The following FMN1 variants were observed in gnomAD, a reference collection of about 807,000 sequenced individuals.
FMN1 encodes formin-1.
A neutral mutation model predicts 132.4 loss-of-function variants in FMN1; 110 were observed. That is an observed-to-expected ratio of 0.83 (90% CI 0.71 to 0.97). The LOEUF is 0.97. FMN1 is among the 50% of genes least tolerant of loss of function. The probability of loss-of-function intolerance (pLI) is 0.00; values close to 1 mark genes in which losing one functional copy is unlikely to be tolerated. For missense variants in FMN1, 1,792 were observed against 1,705.3 expected (o/e 1.05, Z -0.90); for synonymous variants, 722 against 651.7 (o/e 1.11, Z -1.64).
intron 3 of FMN1, among the ~76,000 whole-genome samples, chr15:33,156,586 G>A (rs983406907): frequency 2.0e-5 from 3 of 151,698 alleles, no homozygotes; most frequent in Non-Finnish European, 2.9e-5. Context: ...CACTGCTCCC[G>A]GCCGTATTTT....
At chr15:33,003,664 G>T (rs1213426867) in intron 7 of FMN1, among the ~76,000 whole-genome samples, 1 of 152,120 alleles carries the variant, frequency 6.6e-6, no homozygotes, top group Non-Finnish European at 1.5e-5. Flanking sequence ...AGCTACCAAT[G>T]ACTTTCTTCA....
At chr15:33,081,805 G>A (rs990654250) in intron 5 of FMN1, among the ~76,000 whole-genome samples, 3 of 152,174 alleles carry the variant, frequency 2.0e-5, no homozygotes, top group Non-Finnish European at 4.4e-5. Flanking sequence ...GAAGTGATCG[G>A]TAAGACATGG....
Position 33,153,097 on chromosome 15 carries a change from GC to G in FMN1, c.1817del (p.Ser606ThrfsTer81), listed in dbSNP as rs1263400434. The part of the protein sequence containing the change: ...RLVPGETLEK[S>X]LGPGKTTAEP... ...CAGCTGTGGTCTTCCCTGGCCCCAA[GC>G]TCTTTTCCAAAGTTTCCCCAGGCAC... On this transcript the variant is annotated frameshift_variant, in exon 4 of 21. Coordinates refer to ENST00000616417, the MANE Select transcript of FMN1 (RefSeq NM_001277313.2). LOFTEE classifies it high-confidence loss of function. The G allele has an allele frequency of 6.5e-7, 1 of 1,535,930 alleles. No homozygotes were observed. Among genetic ancestry groups the G allele is most frequent in the Admixed American group, 2.0e-5 (1 of 50,982 alleles).
At position 33,105,304 on chromosome 15, in the gene FMN1, G is replaced by GA. The variant is rs1346345924; in HGVS notation, c.1868-16331dup. On this transcript the variant is annotated intron_variant, in intron 4 of 20. Coordinates refer to ENST00000616417, the MANE Select transcript of FMN1 (RefSeq NM_001277313.2). Reference sequence around the variant, plus strand: ...GGCCACTTTGAGATCCTCCTGTCAAGAAAAAAATAAAACGGACAATAAAAG... The same window carrying GA: ...GGCCACTTTGAGATCCTCCTGTCAAGAAAAAAAATAAAACGGACAATAAAAG... 1.3e-5 allele frequency among the ~76,000 whole-genome samples: 2 copies of GA among 151,814 alleles called. 1 individual carries two copies. The highest frequency in any genetic ancestry group is 4.2e-4 in the South Asian group (2 of 4,818).
intron 11 of FMN1, among the ~76,000 whole-genome samples, chr15:32,909,810 T>C (rs1410152776): frequency 2.0e-5 from 3 of 152,162 alleles, no homozygotes; most frequent in Non-Finnish European, 4.4e-5. Context: ...ATCAAAAACC[T>C]TATATGTGTA....
intron 7 of FMN1, among the ~76,000 whole-genome samples, chr15:32,986,505 A>T (rs2033079178): frequency 1.3e-5 from 2 of 152,178 alleles, no homozygotes; most frequent in Non-Finnish European, 2.9e-5. Context: ...GTGTAAACAT[A>T]GATTAAGAAA....
chr15:32,938,919 TAC>T (rs921327524), intron 9 of FMN1, among the ~76,000 whole-genome samples: 3 of 152,176 alleles, frequency 2.0e-5, no homozygotes, highest in African/African-American at 7.2e-5. Flanking sequence ...ACAATACAAA[TAC>T]ACTTAAATAA....
At position 33,045,182 on chromosome 15, in the gene FMN1, G is replaced by A. The variant is rs113205029; in HGVS notation, c.2161+19775C>T. ...TGGTACATAGTCCAGCCATAGCCTC[G>A]CAGGGAGTCAGCACCCATGCTCGCA... On this transcript the variant is annotated intron_variant, in intron 6 of 20. Transcript: ENST00000616417. 5.9e-5 allele frequency among the ~76,000 whole-genome samples: 9 copies of A among 152,304 alleles called. No individual in the cohort carries two copies. In the East Asian group the frequency reaches 7.7e-4, roughly 13 times the overall value.
At chr15:33,009,058 G>A (rs1467697752) in intron 6 of FMN1, among the ~76,000 whole-genome samples, 1 of 152,226 alleles carries the variant, frequency 6.6e-6, no homozygotes, top group East Asian at 1.9e-4. Flanking sequence ...AGCCACGCCA[G>A]AAAAGTAGTG....
At chr15:33,096,180 CAGA>C (rs1393894882) in intron 4 of FMN1, among the ~76,000 whole-genome samples, 20 of 152,164 alleles carry the variant, frequency 1.3e-4, no homozygotes, top group Non-Finnish European at 2.4e-4. Flanking sequence ...TGATGGCTGA[CAGA>C]AGTTTTTGTG....
At chr15:33,151,703 TTAA>T (rs61074560) in intron 4 of FMN1, among the ~76,000 whole-genome samples, 6,171 of 151,880 alleles carry the variant, frequency 0.041, 446 homozygotes, top group African/African-American at 0.14. Context: ...AATCTCTCTC[TTAA>T]TAATCTCAGA....
At chr15:32,930,720 T>TTGG (rs573178211) in intron 9 of FMN1, among the ~76,000 whole-genome samples, 8 of 149,792 alleles carry the variant, frequency 5.3e-5, no homozygotes, top group African/African-American at 2.0e-4. Context: ...TTGCTTTTTT[T>TTGG]GGGGGGGGGC....
chr15:33,050,279 G>A (rs551727565), intron 6 of FMN1, among the ~76,000 whole-genome samples: 1 of 152,272 alleles, frequency 6.6e-6, no homozygotes, highest in Non-Finnish European at 1.5e-5. Context: ...GTTGGAAAAT[G>A]CTTCCTTTAG....
At chr15:32,985,477 A>T (rs975271328) in intron 7 of FMN1, among the ~76,000 whole-genome samples, 1 of 152,118 alleles carries the variant, frequency 6.6e-6, no homozygotes, top group Non-Finnish European at 1.5e-5. Context: ...ATCCTAGTTG[A>T]CTGTTAGAAA....
At chr15:32,926,368 C>A in intron 9 of FMN1, 107 bp from the exon 10 acceptor site, 1 of 610,532 alleles carries the variant, frequency 1.6e-6, no homozygotes, top group Non-Finnish European at 2.8e-6. Context: ...GATTGATGAA[C>A]TAAATTGATG....
intron 16 of FMN1, among the ~76,000 whole-genome samples, chr15:32,872,839 C>A (rs2059547939): frequency 6.6e-6 from 1 of 151,914 alleles, no homozygotes; most frequent in South Asian, 2.1e-4. Flanking sequence ...GCTGGTTAGT[C>A]ACATTAACTG....
intron 7 of FMN1, among the ~76,000 whole-genome samples, chr15:32,971,624 C>CT (rs1322152228): frequency 6.6e-6 from 1 of 152,144 alleles, no homozygotes; most frequent in Non-Finnish European, 1.5e-5. Context: ...TCACAACAAA[C>CT]TAACTCTCAG....
chr15:33,145,861 A>T (rs2061075), intron 4 of FMN1, among the ~76,000 whole-genome samples: 1 of 151,978 alleles, frequency 6.6e-6, no homozygotes. Flanking sequence ...AGCACTTCTG[A>T]GTTCTCCCTC....
At chr15:32,804,223 A>G in intron 18 of FMN1, 58 bp downstream of exon 18, 1 of 1,231,546 alleles carries the variant, frequency 8.1e-7, no homozygotes, top group Non-Finnish European at 1.2e-6. Context: ...CTTCATAATA[A>G]TAATACAAAA....
Sources: gnomAD v4.1 joint callset for allele counts (sites outside exome capture counted in the v4.1 genomes callset) on GRCh38, gnomAD v4.1.1 for gene constraint, MANE v1.5 for transcripts, NCBI Gene and HGNC (gene_info 2026-07-23, HGNC 2026-07-21) for gene names.